PCYOX1L: variants seen among roughly 807,000 people sequenced by gnomAD.
PCYOX1L encodes prenylcysteine oxidase 1-like.
Under a neutral mutation model 44.1 loss-of-function variants are expected in PCYOX1L, and 40 were observed. The observed-to-expected ratio is 0.91, with a 90% CI of 0.70 to 1.18. The LOEUF (loss-of-function observed/expected upper bound fraction) is 1.18. Among genes scored for constraint, PCYOX1L ranks in the 50% most tolerant of loss-of-function variants. The pLI is 0.00. For synonymous variants in PCYOX1L, 266 were observed against 282.8 expected, an observed-to-expected ratio of 0.94 and a Z score of 0.60; for missense variants, 605 against 653.3, an observed-to-expected ratio of 0.93 and a Z score of 0.81.
Position 149,368,425 on chromosome 5 carries a change from C to T in PCYOX1L, c.1256C>T (p.Thr419Ile), listed in dbSNP as rs1758308126. The change falls in exon 6 of 6, where the codon ACA becomes ATA. Residue 419 changes from threonine to isoleucine, a missense_variant. Coordinates refer to ENST00000274569, the MANE Select transcript of PCYOX1L (RefSeq NM_024028.4). ...TTCCGTTCCTATTACTCAGTGCAGA[C>T]AGCTGAGTGGCAGGCCCATCCCCTC... Reference protein sequence around the residue: ...TLFRSYYSVQTAEWQAHPLYG... With the variant: ...TLFRSYYSVQIAEWQAHPLYG... 2 of 1,614,042 alleles carry T rather than the reference C, an allele frequency of 1.2e-6. No individual in the cohort carries two copies. Among genetic ancestry groups the T allele is most frequent in the Admixed American group, 3.3e-5 (2 of 60,004 alleles).
intron 1 of PCYOX1L, among the ~76,000 whole-genome samples, chr5:149,359,121 A>G (rs902742797): frequency 1.2e-4 from 18 of 152,146 alleles, no homozygotes; most frequent in Non-Finnish European, 2.1e-4. Flanking sequence ...AAGATTTTCA[A>G]GTCCCTCACA....
intron 2 of PCYOX1L, 115 bp downstream of exon 2, chr5:149,362,958 A>C: frequency 2.8e-4 from 311 of 1,128,500 alleles, no homozygotes; most frequent in Non-Finnish European, 3.7e-4. Flanking sequence ...GCCCAATCTC[A>C]TTTTACAGAT....
intron 1 of PCYOX1L, among the ~76,000 whole-genome samples, chr5:149,358,814 T>C (rs139155411): frequency 2.7e-4 from 41 of 152,354 alleles, no homozygotes; most frequent in Non-Finnish European, 5.3e-4. Context: ...CCCAATACTT[T>C]ATTTTGAAAA....
chr5:149,360,997 T>C (rs1757991872), intron 1 of PCYOX1L, among the ~76,000 whole-genome samples: 1 of 152,232 alleles, frequency 6.6e-6, no homozygotes, highest in Admixed American at 6.5e-5. Context: ...GCCTCTGGAC[T>C]GTCTGATGAG....
intron 1 of PCYOX1L, among the ~76,000 whole-genome samples, chr5:149,358,572 TAC>T (rs1757919563): frequency 6.6e-6 from 1 of 152,052 alleles, no homozygotes; most frequent in Non-Finnish European, 1.5e-5. Context: ...GCCCTCACAG[TAC>T]AGGGAAGTCC....
In PCYOX1L at chr5:149,358,095, C is replaced by T. The variant is rs1332357370; in HGVS notation, c.27C>T (p.Ala9=). The T allele has an allele frequency of 2.1e-6, 3 of 1,447,034 alleles. No homozygotes were observed. The highest frequency in any genetic ancestry group is 2.7e-6 in the Non-Finnish European group (3 of 1,102,542). 89.6% of individuals were successfully genotyped at this position (1,447,034 alleles called of 1,614,324 possible). ...TGGCCCGCGCAGCCCCGCTGCTCGC[C>T]GCGTTGACCGCGCTCCTCGCCGCCG... The part of the protein sequence containing the change: MARAAPLL[A]ALTALLAAAA... The change falls in exon 1 of 6, where the codon GCC becomes GCT. Residue 9 remains alanine (A), a synonymous_variant. Coordinates refer to ENST00000274569, the MANE Select transcript of PCYOX1L (RefSeq NM_024028.4).
At chr5:149,360,850 A>C (rs554725492) in intron 1 of PCYOX1L, among the ~76,000 whole-genome samples, 3 of 152,354 alleles carry the variant, frequency 2.0e-5, no homozygotes, top group Non-Finnish European at 2.9e-5. Context: ...ATAAGTAAGC[A>C]GAGGCCAGAT....
intron 1 of PCYOX1L, 53 bp from the exon 2 acceptor site, chr5:149,362,584 C>G (rs767668370): frequency 6.3e-7 from 1 of 1,590,718 alleles, no homozygotes; most frequent in Non-Finnish European, 8.6e-7. Flanking sequence ...ACTACAGCCT[C>G]TCACTCTCAT....
intron 3 of PCYOX1L, chr5:149,365,701 C>T (rs968319691): frequency 2.1e-5 from 12 of 568,210 alleles, no homozygotes; most frequent in Non-Finnish European, 3.5e-5. Context: ...TGTTACTCAG[C>T]ACAGCCGTGA....
At chr5:149,358,333 C>T (rs766067140) in intron 1 of PCYOX1L, among the ~76,000 whole-genome samples, 177 bp downstream of exon 1, 6 of 152,120 alleles carry the variant, frequency 3.9e-5, no homozygotes, top group Non-Finnish European at 8.8e-5. Context: ...CTGATGGGGC[C>T]GGGGCATGGC....
In PCYOX1L at chr5:149,368,269, T is replaced by G. The variant is rs763031997; in HGVS notation, c.1100T>G (p.Phe367Cys). 22 of 1,614,034 alleles carry G rather than the reference T, an allele frequency of 1.4e-5. No individual in the cohort carries two copies. Among genetic ancestry groups the G allele is most frequent in the African/African-American group, 4.0e-5 (3 of 74,926 alleles). The change falls in exon 6 of 6, where the codon TTC becomes TGC. Residue 367 changes from phenylalanine to cysteine, a missense_variant. Transcript: ENST00000274569. ...ANILTTDFPSFFCTLDNICPV... is the reference protein window; with the variant it reads ...ANILTTDFPSCFCTLDNICPV... ...ATCCTTACCACAGATTTCCCCAGCT[T>G]CTTCTGCACTCTGGACAACATCTGC...
chr5:149,362,898 A>G lies in PCYOX1L; in HGVS notation c.295+55A>G, dbSNP rs1018290337. On this transcript the variant is annotated intron_variant, in intron 2 of 5. Transcript: ENST00000274569. ...CCAGCGCCCTGGGGCTGGTGACAGCACTGGGCCCTTCTCAGACTTCCCAGA... is the reference window on the plus strand; with the variant it reads ...CCAGCGCCCTGGGGCTGGTGACAGCGCTGGGCCCTTCTCAGACTTCCCAGA... The G allele has an allele frequency of 2.9e-5, 46 of 1,580,954 alleles. No individual in the cohort carries two copies. In the African/African-American group the frequency reaches 5.9e-4, roughly 20 times the overall value.
At chr5:149,359,492 A>C (rs1757949347) in intron 1 of PCYOX1L, among the ~76,000 whole-genome samples, 1 of 152,264 alleles carries the variant, frequency 6.6e-6, no homozygotes, top group African/African-American at 2.4e-5. Context: ...AGTATCCATG[A>C]GTGACCATGT....
chr5:149,365,835 A>G, intron 3 of PCYOX1L, 107 bp from the exon 4 acceptor site: 1 of 981,834 alleles, frequency 1.0e-6, no homozygotes, highest in Non-Finnish European at 1.6e-6. Context: ...CTCCATGTAG[A>G]GGAAGTGATG....
Position 149,366,168 on chromosome 5 carries a change from C to T in PCYOX1L, c.682+15C>T, listed in dbSNP as rs756279116. ...CGCCTTTGCAGGTAAGCGTCCAACCCTTGGCCTGCCCACCTGCCCCTCCTC... is the reference window on the plus strand; with the variant it reads ...CGCCTTTGCAGGTAAGCGTCCAACCTTTGGCCTGCCCACCTGCCCCTCCTC... On this transcript the variant is annotated intron_variant, in intron 4 of 5. Coordinates refer to ENST00000274569, the MANE Select transcript of PCYOX1L (RefSeq NM_024028.4). 1.9e-6 allele frequency: 3 copies of T among 1,605,818 alleles called. No homozygotes were observed. Among genetic ancestry groups the T allele is most frequent in the Non-Finnish European group, 2.5e-6 (3 of 1,178,750 alleles).
At chr5:149,365,080 T>G (rs1244175972) in intron 3 of PCYOX1L, 1 of 152,582 alleles carries the variant, frequency 6.6e-6, no homozygotes, top group Non-Finnish European at 1.5e-5. Context: ...TCCCTTCCCA[T>G]TCTATAACTC....
In PCYOX1L at chr5:149,364,074, A is replaced by G; in HGVS notation, c.334A>G (p.Ile112Val). The G allele has an allele frequency of 6.2e-7, 1 of 1,614,116 alleles. No individual in the cohort carries two copies. Among genetic ancestry groups the G allele is most frequent in the African/African-American group, 1.3e-5 (1 of 75,058 alleles). ...GCGCGAGGTGGTGGGCAGGAGCGCC[A>G]TCTTCGGCGGGGAGCACTTCATGCT... ...HRREVVGRSA[I>V]FGGEHFMLEE... Residue 112 changes from isoleucine to valine, a missense_variant, in exon 3 of 6, where the codon ATC becomes GTC. Transcript: ENST00000274569.
chr5:149,365,360 A>G (rs1223609429), intron 3 of PCYOX1L: 1 of 152,942 alleles, frequency 6.5e-6, no homozygotes, highest in Non-Finnish European at 1.5e-5. Context: ...AATGGGCAAC[A>G]TTTCAAAGGC....
chr5:149,367,575 C>T, intron 5 of PCYOX1L, 75 bp downstream of exon 5: 1 of 1,576,142 alleles, frequency 6.3e-7, no homozygotes, highest in East Asian at 2.3e-5. Context: ...TCCTTTGTAC[C>T]TCAGCCCTGG....
Sources: allele counts gnomAD v4.1 joint callset (sites outside exome capture counted in the v4.1 genomes callset), GRCh38; gene constraint gnomAD v4.1.1; transcripts MANE v1.5; gene names NCBI Gene and HGNC (gene_info 2026-07-23, HGNC 2026-07-21).